Variants in MACF1 observed in about 807,000 individuals in gnomAD.
MACF1 encodes the protein microtubule actin crosslinking factor 1.
A neutral mutation model predicts 854.8 loss-of-function variants in MACF1; 193 were observed. That is an observed-to-expected ratio of 0.23 (90% CI 0.20 to 0.25). The LOEUF is 0.25. Among genes scored for constraint, MACF1 ranks in the 10% least tolerant of loss-of-function variants. MACF1 has a pLI of 1.00. For synonymous variants in MACF1, 3,185 were observed against 3,226.7 expected (o/e 0.99, Z 0.44); for missense variants, 7,722 against 8,929.1 (o/e 0.86, Z 5.45).
At chr1:39,413,197 G>C in intron 58 of MACF1, 1 of 1,613,524 alleles carries the variant, frequency 6.2e-7, no homozygotes, top group Non-Finnish European at 8.5e-7. Flanking sequence ...TGTCACCCCA[G>C]CTACCACAGT....
intron 98 of MACF1, among the ~76,000 whole-genome samples, chr1:39,480,387 G>A (rs1006315558): frequency 2.0e-5 from 3 of 152,182 alleles, no homozygotes; most frequent in Non-Finnish European, 4.4e-5. Context: ...GTGGTGGGAG[G>A]ATCCCTTGAG....
At chr1:39,323,208 G>A (rs1031172665) in intron 33 of MACF1, among the ~76,000 whole-genome samples, 200 bp downstream of exon 33, 2 of 152,050 alleles carry the variant, frequency 1.3e-5, no homozygotes, top group Admixed American at 6.6e-5. Context: ...TGGGCATGGT[G>A]GCACACACCT....
At chr1:39,443,851 A>G (rs538733030) in intron 79 of MACF1, among the ~76,000 whole-genome samples, 1 of 152,328 alleles carries the variant, frequency 6.6e-6, no homozygotes, top group Non-Finnish European at 1.5e-5. Flanking sequence ...AAGAAGACAA[A>G]TATACAACAC....
rs74326877 is a variant in MACF1 at position 39,459,080 on chromosome 1, T to C, written c.21197-6T>C. The C allele has an allele frequency of 4.7e-3, 7,560 of 1,608,384 alleles. 355 individuals are homozygous for C. In the African/African-American group the frequency reaches 0.091, roughly 19 times the overall value. ...GTTCTAATCTTGTGATTATTTTTCC[T>C]TTTAGGGAAATCCCTAAGTCAGCCA... is the stretch of plus-strand genomic sequence containing the variant. On this transcript the variant is annotated splice_region_variant and splice_polypyrimidine_tract_variant and intron_variant, in intron 90 of 100. Coordinates refer to ENST00000564288, the MANE Select transcript of MACF1 (RefSeq NM_001394062.1).
At chr1:39,459,010 C>G in intron 90 of MACF1, 76 bp from the exon 91 acceptor site, 2 of 1,254,554 alleles carry the variant, frequency 1.6e-6, no homozygotes, top group Non-Finnish European at 2.2e-6. Context: ...TAAAGATCTT[C>G]TAGGTTTATA....
In MACF1 at chr1:39,335,369, C is replaced by A; in HGVS notation, c.8781C>A (p.Thr2927=). ...IEIISHMKQS[T]SCLDSEEIRE... is the part of the protein sequence containing the mutation. ...TTATTTCTCATATGAAGCAGTCTAC[C>A]TCATGTCTAGATTCTGAAGAAATAA... The change falls in exon 37 of 101, where the codon ACC becomes ACA. Residue 2927 remains threonine, a synonymous_variant. Transcript: ENST00000564288. The A allele has an allele frequency of 1.2e-6, 2 of 1,613,420 alleles. No individual in the cohort carries two copies. Among genetic ancestry groups the A allele is most frequent in the Non-Finnish European group, 1.7e-6 (2 of 1,179,442 alleles).
chr1:39,151,466 C>T (rs1002716143), intron 2 of MACF1, among the ~76,000 whole-genome samples: 2 of 152,166 alleles, frequency 1.3e-5, no homozygotes, highest in African/African-American at 4.8e-5. Context: ...AATCTGGTTT[C>T]TTTAGCATGG....
rs113440244 is a variant in MACF1, at chr1:39,468,793, T to C, written c.21889+61T>C. ...GTATGCCCCCAGCAGTGATCTTTTA[T>C]GCTTACAGGAAGCATTGATGGTGGG... On this transcript the variant is annotated intron_variant, in intron 96 of 100. Coordinates refer to ENST00000564288, the MANE Select transcript of MACF1 (RefSeq NM_001394062.1). The C allele has an allele frequency of 7.8e-3, 11,174 of 1,433,200 alleles. 86 individuals carry two copies. Among genetic ancestry groups the C allele is most frequent in the South Asian group, 0.016 (1,361 of 87,012 alleles). 88.8% of individuals were successfully genotyped at this position (1,433,200 alleles called of 1,614,324 possible).
intron 2 of MACF1, among the ~76,000 whole-genome samples, chr1:39,141,279 G>C (rs1571092532): frequency 6.6e-6 from 1 of 152,156 alleles, no homozygotes; most frequent in Admixed American, 6.6e-5. Flanking sequence ...CACCTGCAGG[G>C]CATGTTAAAA....
At position 39,438,177 on chromosome 1, in the gene MACF1, C is replaced by T. The variant is rs957321824; in HGVS notation, c.18220+169C>T. 3.9e-5 allele frequency among the ~76,000 whole-genome samples: 6 copies of T among 152,214 alleles called. No individual in the cohort carries two copies. In the East Asian group the frequency reaches 7.7e-4, roughly 19 times the overall value. Reference sequence around the variant, plus strand: ...ATCATTTGGAATTCAGAACACATTTCGCCATTGAAACAAGGTTACAATTGG... The same window carrying T: ...ATCATTTGGAATTCAGAACACATTTTGCCATTGAAACAAGGTTACAATTGG... On this transcript the variant is annotated intron_variant, in intron 71 of 100. Transcript: ENST00000564288.
chr1:39,451,246 T>C, intron 85 of MACF1, 35 bp downstream of exon 85: 1 of 1,599,876 alleles, frequency 6.3e-7, no homozygotes, highest in African/African-American at 1.3e-5. Flanking sequence ...TGGAGTGCAG[T>C]GGGTCTTCTG....
chr1:39,310,796 G>A (rs749143243), intron 25 of MACF1, 35 bp from the exon 26 acceptor site: 6 of 1,571,270 alleles, frequency 3.8e-6, no homozygotes, highest in South Asian at 2.4e-5. Context: ...CTCTGATGTC[G>A]AGCTTACTGG....
intron 6 of MACF1, among the ~76,000 whole-genome samples, chr1:39,279,679 A>G (rs1645506063): frequency 6.6e-6 from 1 of 152,190 alleles, no homozygotes; most frequent in Non-Finnish European, 1.5e-5. Flanking sequence ...CCTCGGCACT[A>G]TCTACATCAT....
chr1:39,292,496 G>A (rs1272532988), intron 16 of MACF1, among the ~76,000 whole-genome samples: 1 of 152,160 alleles, frequency 6.6e-6, no homozygotes, highest in African/African-American at 2.4e-5. Context: ...TGGGAATCAG[G>A]CATTGGTTTT....
At chr1:39,194,351 C>CTTTTTTT (rs749853544) in intron 2 of MACF1, among the ~76,000 whole-genome samples, 1 of 35,540 alleles carries the variant, frequency 2.8e-5, no homozygotes, top group Non-Finnish European at 5.2e-5. Context: ...CTTTTCTTTT[C>CTTTTTTT]TTTTTTTTTT....
intron 35 of MACF1, among the ~76,000 whole-genome samples, chr1:39,326,394 A>G (rs1201976133): frequency 1.3e-5 from 2 of 152,190 alleles, no homozygotes; most frequent in Non-Finnish European, 2.9e-5. Context: ...GAAAGGGTCT[A>G]AAGCGGCCAG....
intron 85 of MACF1, 94 bp downstream of exon 85, chr1:39,451,305 TC>T (rs757128825): frequency 1.4e-5 from 18 of 1,254,770 alleles, no homozygotes; most frequent in Admixed American, 6.6e-5. Context: ...TGCCCTTCTT[TC>T]TAGGGGAGAA....
intron 2 of MACF1, among the ~76,000 whole-genome samples, chr1:39,151,535 T>C (rs1643578461): frequency 6.6e-6 from 1 of 152,236 alleles, no homozygotes. Flanking sequence ...CCCTACATTC[T>C]AGCCATATTA....
Position 39,460,790 on chromosome 1 carries a change from A to T in MACF1, c.21519A>T (p.Ala7173=). 6.2e-7 allele frequency: 1 copy of T among 1,614,172 alleles called. No homozygotes were observed. The highest frequency in any genetic ancestry group is 1.3e-5 in the African/African-American group (1 of 75,056). Residue 7173 remains alanine (A), a synonymous_variant, in exon 92 of 101, where the codon GCA becomes GCT. Transcript: ENST00000564288. The surrounding 1 kb of genome is among the most constrained non-coding windows in gnomAD (Gnocchi z 4.1). ...AGGAGTTTATCGATGGCATTTTAGC[A>T]TCCAGTGAGTCTAGTCATCATTCCA... ...TRQEFIDGIL[A]SKFPTTKLEM...
Sources: allele counts gnomAD v4.1 joint callset (sites outside exome capture counted in the v4.1 genomes callset), GRCh38; gene constraint gnomAD v4.1.1; non-coding constraint Gnocchi (gnomAD v3.1); transcripts MANE v1.5; gene names NCBI Gene and HGNC (gene_info 2026-07-23, HGNC 2026-07-21).